OSBPL8: variants seen among roughly 807,000 people sequenced by gnomAD.
OSBPL8 encodes oxysterol-binding protein-related protein 8.
Under a neutral mutation model 125.5 loss-of-function variants are expected in OSBPL8, and 59 were observed. That is an observed-to-expected ratio of 0.47 (90% CI 0.38 to 0.58). OSBPL8 has a LOEUF of 0.58. OSBPL8 is among the 20% of genes least tolerant of loss of function. The pLI, the probability that OSBPL8 is intolerant of heterozygous loss-of-function variation, is 0.00. For synonymous variants in OSBPL8, 330 were observed against 338.9 expected (o/e 0.97, Z 0.29); for missense variants, 758 against 1,047.8 (o/e 0.72, Z 3.82).
At chr12:76,452,792 G>A (rs1459035130) in intron 3 of OSBPL8, among the ~76,000 whole-genome samples, 1 of 151,958 alleles carries the variant, frequency 6.6e-6, no homozygotes, top group East Asian at 1.9e-4. Context: ...AGTCTTCTTG[G>A]TATTTCCTCA....
At chr12:76,368,193 G>C (rs2136182957) in intron 21 of OSBPL8, among the ~76,000 whole-genome samples, 1 of 152,224 alleles carries the variant, frequency 6.6e-6, no homozygotes, top group African/African-American at 2.4e-5. Flanking sequence ...CAGAATTCTT[G>C]ATTGACAAGT....
intron 1 of OSBPL8, among the ~76,000 whole-genome samples, chr12:76,514,532 G>T (rs951187991): frequency 3.9e-5 from 6 of 152,172 alleles, no homozygotes; most frequent in African/African-American, 1.4e-4. Context: ...TCAGCTGAGA[G>T]ATCTGCTGTT....
chr12:76,406,907 C>T (rs1040948296), intron 5 of OSBPL8, among the ~76,000 whole-genome samples: 8 of 152,228 alleles, frequency 5.3e-5, no homozygotes, highest in African/African-American at 1.9e-4. Context: ...GCCACTGTGC[C>T]CAGCTCCTTT....
At chr12:76,404,308 T>G (rs1227239983) in intron 5 of OSBPL8, among the ~76,000 whole-genome samples, 2 of 152,132 alleles carry the variant, frequency 1.3e-5, no homozygotes, top group African/African-American at 4.8e-5. Context: ...TTCCCACAAC[T>G]TAATAGGACA....
chr12:76,386,158 T>C lies in OSBPL8; in HGVS notation c.1533+10A>G. ...GATCAGTTTTGTTTCCATACATGCA[T>C]TTCTAATACCTGTTCAGCAATATAA... On this transcript the variant is annotated intron_variant, in intron 14 of 23. Coordinates refer to ENST00000261183, the MANE Select transcript of OSBPL8 (RefSeq NM_020841.5). 4 of 1,601,928 alleles carry C rather than the reference T, an allele frequency of 2.5e-6. No homozygotes were observed. Among genetic ancestry groups the C allele is most frequent in the South Asian group, 1.1e-5 (1 of 87,986 alleles).
chr12:76,521,043 CT>C (rs1294340483), intron 1 of OSBPL8, among the ~76,000 whole-genome samples: 1 of 152,128 alleles, frequency 6.6e-6, no homozygotes, highest in African/African-American at 2.4e-5. Context: ...TTTCCATCAC[CT>C]TACTTATCCA....
At chr12:76,457,052 G>A (rs538588743) in intron 3 of OSBPL8, among the ~76,000 whole-genome samples, 15 of 152,226 alleles carry the variant, frequency 9.9e-5, no homozygotes, top group African/African-American at 2.4e-4. Flanking sequence ...AATATTGCAC[G>A]AAACATGATG....
chr12:76,421,093 T>C (rs1306153200), intron 4 of OSBPL8, among the ~76,000 whole-genome samples: 4 of 152,046 alleles, frequency 2.6e-5, no homozygotes, highest in African/African-American at 7.2e-5. Context: ...CAAGGTCACA[T>C]GATTATTCTG....
intron 1 of OSBPL8, among the ~76,000 whole-genome samples, chr12:76,554,104 T>C (rs1258008413): frequency 6.6e-6 from 1 of 152,116 alleles, no homozygotes; most frequent in Non-Finnish European, 1.5e-5. Flanking sequence ...TGTTCTTTAA[T>C]TTCCAGTTAC....
intron 4 of OSBPL8, among the ~76,000 whole-genome samples, chr12:76,441,513 T>A (rs889030138): frequency 6.6e-6 from 1 of 152,084 alleles, no homozygotes; most frequent in African/African-American, 2.4e-5. Context: ...ATTGTAGTAG[T>A]CAACTCTACA....
intron 1 of OSBPL8, among the ~76,000 whole-genome samples, chr12:76,519,437 C>G (rs1365536778): frequency 6.6e-6 from 1 of 152,154 alleles, no homozygotes; most frequent in Non-Finnish European, 1.5e-5. Flanking sequence ...AACTTTCCCC[C>G]GTCTTCCTGT....
intron 6 of OSBPL8, among the ~76,000 whole-genome samples, chr12:76,402,049 C>A (rs1954071822): frequency 2.6e-5 from 4 of 152,220 alleles, no homozygotes; most frequent in Middle Eastern, 6.8e-3. Flanking sequence ...TCTATACCCT[C>A]AAAACTTTAG....
intron 2 of OSBPL8, among the ~76,000 whole-genome samples, chr12:76,470,586 A>C (rs953126535): frequency 1.3e-5 from 2 of 152,238 alleles, no homozygotes; most frequent in Non-Finnish European, 2.9e-5. Flanking sequence ...TACATTCTAG[A>C]TTAAATCATG....
intron 1 of OSBPL8, among the ~76,000 whole-genome samples, chr12:76,532,956 C>T (rs1453598167): frequency 6.6e-6 from 1 of 152,154 alleles, no homozygotes; most frequent in Non-Finnish European, 1.5e-5. Context: ...CCTAGTAAAT[C>T]ATTTAAGTTA....
At chr12:76,367,472 T>C (rs995948133) in intron 21 of OSBPL8, among the ~76,000 whole-genome samples, 3 of 152,178 alleles carry the variant, frequency 2.0e-5, no homozygotes, top group African/African-American at 7.2e-5. Context: ...AGTGAATCTC[T>C]TGTACACAGC....
At chr12:76,534,675 A>G (rs1950442361) in intron 1 of OSBPL8, among the ~76,000 whole-genome samples, 1 of 152,192 alleles carries the variant, frequency 6.6e-6, no homozygotes, top group African/African-American at 2.4e-5. Context: ...CATACACACA[A>G]GCAATGAGGT....
intron 1 of OSBPL8, among the ~76,000 whole-genome samples, chr12:76,559,059 G>T (rs971919342): frequency 2.0e-5 from 3 of 152,158 alleles, no homozygotes; most frequent in Non-Finnish European, 2.9e-5. Context: ...TCCTGGGCGC[G>T]GGGGCTCCCA....
intron 2 of OSBPL8, among the ~76,000 whole-genome samples, chr12:76,487,020 C>CT (rs1491081487): frequency 3.4e-4 from 41 of 121,236 alleles, no homozygotes; most frequent in African/African-American, 9.1e-4. Flanking sequence ...TTGCAATTTT[C>CT]ATTTTTTTTT....
intron 4 of OSBPL8, among the ~76,000 whole-genome samples, chr12:76,413,272 C>A (rs915417594): frequency 1.3e-5 from 2 of 152,166 alleles, no homozygotes; most frequent in Non-Finnish European, 2.9e-5. Flanking sequence ...TAATCACAAT[C>A]CACCCTTTGT....
Sources: allele counts gnomAD v4.1 joint callset (sites outside exome capture counted in the v4.1 genomes callset), GRCh38; gene constraint gnomAD v4.1.1; transcripts MANE v1.5; gene names NCBI Gene and HGNC (gene_info 2026-07-23, HGNC 2026-07-21).